Variants in PTAFR observed in about 807,000 individuals in gnomAD.
PTAFR encodes platelet activating factor receptor, also known as platelet-activating factor receptor.
PTAFR carries 8 observed loss-of-function variants against 14.7 expected under a neutral mutation model. That is an observed-to-expected ratio of 0.54 (90% CI 0.32 to 0.98). The LOEUF (loss-of-function observed/expected upper bound fraction) is 0.98, where lower values mean the gene tolerates loss of function less well. Among genes scored for constraint, PTAFR ranks in the 50% least tolerant of loss-of-function variants. The pLI, the probability that PTAFR is intolerant of heterozygous loss-of-function variation, is 0.04. For synonymous variants in PTAFR, 156 were observed against 176.5 expected, an observed-to-expected ratio of 0.88 and a Z score of 0.92; for missense variants, 337 against 451.2, an observed-to-expected ratio of 0.75 and a Z score of 2.29.
chr1:28,160,723 C>A (rs867057359), intron 1 of PTAFR, among the ~76,000 whole-genome samples: 2 of 152,210 alleles, frequency 1.3e-5, no homozygotes, highest in Middle Eastern at 3.4e-3. Flanking sequence ...CCACAGGAGC[C>A]CCAGCAAGAG....
chr1:28,161,116 T>C (rs1281863335), intron 1 of PTAFR, among the ~76,000 whole-genome samples: 1 of 152,190 alleles, frequency 6.6e-6, no homozygotes, highest in African/African-American at 2.4e-5. Context: ...TGCTCAGACC[T>C]CATTTCCTCC....
At chr1:28,157,877 G>A (rs1478584871) in intron 1 of PTAFR, among the ~76,000 whole-genome samples, 4 of 151,930 alleles carry the variant, frequency 2.6e-5, no homozygotes, top group Admixed American at 2.0e-4. Context: ...TGATCTGCCC[G>A]CCTCGGCCTC....
Position 28,187,538 on chromosome 1 carries a change from G to A in PTAFR, c.-39+6184C>T, listed in dbSNP as rs561891594. Reference sequence around the variant, plus strand: ...AAATTTTTTTTTAAGACAGAGTCTCGCTCGTCACCCAAGCTGGAGTGAAGT... The same window carrying A: ...AAATTTTTTTTTAAGACAGAGTCTCACTCGTCACCCAAGCTGGAGTGAAGT... On this transcript the variant is annotated intron_variant, in intron 1 of 1. Coordinates refer to the PTAFR transcript ENST00000305392. 3.3e-5 allele frequency among the ~76,000 whole-genome samples: 5 copies of A among 152,110 alleles called. No homozygotes were observed. The South Asian group carries it at 6.2e-4, about 19-fold the overall frequency.
At chr1:28,162,478 C>A (rs1424373385) in intron 1 of PTAFR, among the ~76,000 whole-genome samples, 1 of 152,120 alleles carries the variant, frequency 6.6e-6, no homozygotes, top group African/African-American at 2.4e-5. Context: ...GCACCACCTG[C>A]AAGCTTGTTA....
intron 1 of PTAFR, among the ~76,000 whole-genome samples, chr1:28,176,369 G>T (rs1472316573): frequency 6.7e-6 from 1 of 149,290 alleles, no homozygotes; most frequent in Non-Finnish European, 1.5e-5. Context: ...CCTGAGCCTG[G>T]CAGGTCCAGG....
Position 28,170,212 on chromosome 1 carries a change from C to T in PTAFR, c.-39+6380G>A, listed in dbSNP as rs1466776042. On this transcript the variant is annotated intron_variant, in intron 1 of 1. Coordinates refer to ENST00000373857, the MANE Select transcript of PTAFR (RefSeq NM_000952.5). ...AAGGGCCAAGGCTTCTGGCATATCACCAATACCCATCACAGGGCCTCCTAC... is the reference window on the plus strand; with the variant it reads ...AAGGGCCAAGGCTTCTGGCATATCATCAATACCCATCACAGGGCCTCCTAC... 3.9e-5 allele frequency among the ~76,000 whole-genome samples: 6 copies of T among 152,158 alleles called. No individual in the cohort carries two copies. The South Asian group carries it at 8.3e-4, about 21-fold the overall frequency.
At chr1:28,180,236 T>C (rs1047833039), upstream of PTAFR, among the ~76,000 whole-genome samples, 2 of 151,956 alleles carry the variant, frequency 1.3e-5, no homozygotes, top group Non-Finnish European at 2.9e-5. Context: ...TTTAAGAGGA[T>C]GGACATGGTG....
intron 1 of PTAFR, among the ~76,000 whole-genome samples, chr1:28,186,742 T>C (rs532840876): frequency 1.3e-5 from 2 of 152,152 alleles, no homozygotes; most frequent in South Asian, 4.1e-4. Context: ...CTGGGCAACA[T>C]GGTGAAAACC....
rs1291471437 is a variant in PTAFR at position 28,148,359 on chromosome 1, GAGAGAACTGAC to G, written c.*1623_*1633del. On this transcript the variant is annotated 3_prime_UTR_variant, in exon 2 of 2. Transcript: ENST00000373857. The stretch of plus-strand genomic sequence containing the variant: ...AGGACCCTCCCAGAGGGCAAGGGAG[GAGAGAACTGAC>G]AGACCCTTCTACCCAGGGGCCTCAT... 2.0e-5 allele frequency: 3 copies of G among 152,276 alleles called. No homozygotes were observed. The highest frequency in any genetic ancestry group is 7.2e-5 in the African/African-American group (3 of 41,464). The allele number at this position is 152,276 out of a possible 1,614,324, so 9.4% of individuals were successfully genotyped here.
intron 1 of PTAFR, among the ~76,000 whole-genome samples, chr1:28,191,370 C>T (rs990240070): frequency 6.6e-6 from 1 of 152,216 alleles, no homozygotes; most frequent in Non-Finnish European, 1.5e-5. Flanking sequence ...CCTGGGCACT[C>T]TTCATAGACC....
intron 1 of PTAFR, among the ~76,000 whole-genome samples, chr1:28,188,981 C>T (rs984121447): frequency 2.6e-5 from 4 of 152,130 alleles, no homozygotes; most frequent in Non-Finnish European, 4.4e-5. Context: ...TCACCACCCA[C>T]CTGAATAGAA....
At chr1:28,168,792 C>T (rs761879202) in intron 1 of PTAFR, among the ~76,000 whole-genome samples, 3 of 152,092 alleles carry the variant, frequency 2.0e-5, no homozygotes, top group Non-Finnish European at 4.4e-5. Context: ...CCTCAGCCTC[C>T]CGAGTAGCTG....
chr1:28,192,325 C>T lies in PTAFR; in HGVS notation c.-39+1397G>A, dbSNP rs558517549. Reference sequence around the variant, plus strand: ...CTGTAATCCCAGCACTTTGGGAGACCGAGGCGGGTGGATCACCTGAGGTCA... The same window carrying T: ...CTGTAATCCCAGCACTTTGGGAGACTGAGGCGGGTGGATCACCTGAGGTCA... On this transcript the variant is annotated intron_variant, in intron 1 of 1. Transcript: ENST00000305392. 4.6e-5 allele frequency among the ~76,000 whole-genome samples: 7 copies of T among 151,776 alleles called. No homozygotes were observed. In the South Asian group the frequency reaches 1.2e-3, roughly 27 times the overall value.
intron 1 of PTAFR, among the ~76,000 whole-genome samples, chr1:28,171,350 G>A (rs1572041554): frequency 6.6e-6 from 1 of 151,810 alleles, no homozygotes; most frequent in Non-Finnish European, 1.5e-5. Context: ...TGACCTCACA[G>A]GATAGCCCTG....
At chr1:28,165,521 C>T (rs1430833145) in intron 1 of PTAFR, among the ~76,000 whole-genome samples, 2 of 151,580 alleles carry the variant, frequency 1.3e-5, no homozygotes, top group African/African-American at 2.4e-5. Flanking sequence ...CGGTGCCTCA[C>T]GCCTGTAATC....
chr1:28,193,834 C>G (rs1375258979), exon 1 of PTAFR: 2 of 153,474 alleles, frequency 1.3e-5, no homozygotes, highest in African/African-American at 2.4e-5. Context: ...TGGATGACTT[C>G]TCGGGGAGCT....
At chr1:28,155,559 T>C (rs1260746000) in intron 1 of PTAFR, among the ~76,000 whole-genome samples, 1 of 152,136 alleles carries the variant, frequency 6.6e-6, no homozygotes, top group African/African-American at 2.4e-5. Flanking sequence ...AGACCTCAGC[T>C]GAATTTCACT....
In PTAFR at chr1:28,149,791, C is replaced by A. The variant is rs907208789; in HGVS notation, c.*202G>T. On this transcript the variant is annotated 3_prime_UTR_variant, in exon 2 of 2. Transcript: ENST00000373857. ...AGTTACTGTAGTATGCGCCCACAGGCGGATGAAGGGGCTCATTTGAGTTCT... is the reference window on the plus strand; with the variant it reads ...AGTTACTGTAGTATGCGCCCACAGGAGGATGAAGGGGCTCATTTGAGTTCT... 5.1e-5 allele frequency: 32 copies of A among 623,652 alleles called. No individual in the cohort carries two copies. In the East Asian group the frequency reaches 8.8e-4, roughly 17 times the overall value. The allele number at this position is 623,652 out of a possible 1,614,324, so 38.6% of individuals were successfully genotyped here.
At chr1:28,163,002 C>T (rs1271854512) in intron 1 of PTAFR, among the ~76,000 whole-genome samples, 1 of 152,088 alleles carries the variant, frequency 6.6e-6, no homozygotes, top group African/African-American at 2.4e-5. Flanking sequence ...AGCTCCTTTC[C>T]CATCTTATTT....
Sources: allele counts gnomAD v4.1 joint callset (sites outside exome capture counted in the v4.1 genomes callset), GRCh38; gene constraint gnomAD v4.1.1; transcripts MANE v1.5; gene names NCBI Gene and HGNC (gene_info 2026-07-23, HGNC 2026-07-21).